The following MTUS2 variants were observed in gnomAD, a reference collection of about 807,000 sequenced individuals.
MTUS2 encodes microtubule associated scaffold protein 2, also known as microtubule-associated tumor suppressor candidate 2.
MTUS2 carries 40 observed loss-of-function variants against 114.1 expected under a neutral mutation model. The observed-to-expected ratio is 0.35, with a 90% confidence interval of 0.27 to 0.46. MTUS2 has a LOEUF of 0.46. Among genes scored for constraint, MTUS2 ranks in the 20% least tolerant of loss-of-function variants. The probability of loss-of-function intolerance (pLI) is 1.00; values close to 1 mark genes in which losing one functional copy is unlikely to be tolerated. For synonymous variants in MTUS2, 688 were observed against 672.0 expected (o/e 1.02, Z -0.37); for missense variants, 1,679 against 1,705.4 (o/e 0.98, Z 0.27).
At chr13:29,218,463 T>C (rs1179878429) in intron 5 of MTUS2, among the ~76,000 whole-genome samples, 1 of 152,234 alleles carries the variant, frequency 6.6e-6, no homozygotes, top group Non-Finnish European at 1.5e-5. Flanking sequence ...GAATTAGAAA[T>C]GTTCTTAATG....
intron 5 of MTUS2, among the ~76,000 whole-genome samples, chr13:29,190,083 G>A (rs972184512): frequency 2.0e-5 from 3 of 152,148 alleles, no homozygotes; most frequent in South Asian, 2.1e-4. Flanking sequence ...AAGTCTGCCA[G>A]CACCTTGATC....
chr13:29,180,430 T>C (rs754403161), intron 5 of MTUS2, among the ~76,000 whole-genome samples: 1 of 152,200 alleles, frequency 6.6e-6, no homozygotes, highest in African/African-American at 2.4e-5. Context: ...TAGAAGCAAA[T>C]TAAAAGCAAA....
intron 5 of MTUS2, among the ~76,000 whole-genome samples, chr13:29,268,246 GT>G (rs1215352753): frequency 6.6e-6 from 1 of 152,170 alleles, no homozygotes; most frequent in African/African-American, 2.4e-5. Flanking sequence ...CTCTTTGAAA[GT>G]TTTTGTGAAA....
At chr13:29,042,734 A>G (rs1429531171) in intron 4 of MTUS2, among the ~76,000 whole-genome samples, 3 of 151,900 alleles carry the variant, frequency 2.0e-5, no homozygotes, top group Non-Finnish European at 2.9e-5. Context: ...TCTCCTCTAG[A>G]TTTTCTACTA....
rs369916182 is a variant in MTUS2, at chr13:29,359,288, G to C, written c.2932G>C (p.Ala978Pro). 1.5e-4 allele frequency: 239 copies of C among 1,604,680 alleles called. No individual in the cohort carries two copies. The highest frequency in any genetic ancestry group is 1.6e-4 in the Middle Eastern group (1 of 6,074). Residue 978 changes from alanine to proline, a missense_variant, in exon 8 of 16, where the codon GCT (alanine) becomes CCT (proline). Physicochemically the swap from Ala to Pro is conservative, Grantham distance 27 (BLOSUM62 -1). Coordinates refer to ENST00000612955, the MANE Select transcript of MTUS2 (RefSeq NM_001033602.4). ...PGYPKQRTAA[A>P]RNGFPPKPDP... Reference sequence around the variant, plus strand: ...ATACCCAAAGCAGAGGACTGCGGCAGCTCGAAATGGGTTTCCGCCCAAGCC... The same window carrying C: ...ATACCCAAAGCAGAGGACTGCGGCACCTCGAAATGGGTTTCCGCCCAAGCC...
At chr13:29,425,274 G>A (rs1167623548) in intron 8 of MTUS2, among the ~76,000 whole-genome samples, 1 of 152,092 alleles carries the variant, frequency 6.6e-6, no homozygotes. Context: ...TTACCTGGGC[G>A]TGATGGCACG....
intron 8 of MTUS2, among the ~76,000 whole-genome samples, chr13:29,389,320 C>CATGTGTGT (rs1872893863): frequency 3.0e-5 from 2 of 65,966 alleles, no homozygotes; most frequent in South Asian, 6.7e-4. Context: ...TATGTATACA[C>CATGTGTGT]ATATGTGTGT....
At chr13:28,955,224 G>A (rs909917304) in intron 2 of MTUS2, among the ~76,000 whole-genome samples, 5 of 152,188 alleles carry the variant, frequency 3.3e-5, no homozygotes, top group East Asian at 1.9e-4. Flanking sequence ...GACATTGCAC[G>A]ATTTCTGTGA....
chr13:29,470,299 A>G (rs901546635), intron 9 of MTUS2, among the ~76,000 whole-genome samples: 2 of 152,152 alleles, frequency 1.3e-5, no homozygotes, highest in African/African-American at 4.8e-5. Context: ...GCAGTCTTGA[A>G]TTTTATATTT....
chr13:28,942,358 TATAACTC>T (rs1882286479), intron 2 of MTUS2, among the ~76,000 whole-genome samples: 1 of 152,206 alleles, frequency 6.6e-6, no homozygotes, highest in Admixed American at 6.5e-5. Context: ...TGGAGAATAT[TATAACTC>T]ATACTCTATT....
At chr13:28,932,285 T>A (rs1290101450) in intron 2 of MTUS2, among the ~76,000 whole-genome samples, 1 of 152,188 alleles carries the variant, frequency 6.6e-6, no homozygotes, top group Non-Finnish European at 1.5e-5. Context: ...GTTTGCTGAA[T>A]GGTGGGAAAT....
intron 6 of MTUS2, among the ~76,000 whole-genome samples, chr13:29,322,786 C>T (rs971947030): frequency 6.6e-6 from 1 of 152,078 alleles, no homozygotes; most frequent in Admixed American, 6.5e-5. Flanking sequence ...CAGGAGGAAG[C>T]ATGGCATGTT....
intron 5 of MTUS2, among the ~76,000 whole-genome samples, chr13:29,202,617 C>T (rs1235104629): frequency 3.3e-5 from 5 of 152,196 alleles, no homozygotes; most frequent in South Asian, 4.2e-4. Flanking sequence ...AGCCTTTTTG[C>T]GCTGGTTTTT....
chr13:29,452,570 ATATATGTGTGTGTG>A (rs1312202110), intron 9 of MTUS2, among the ~76,000 whole-genome samples: 1,960 of 131,210 alleles, frequency 0.015, 14 homozygotes, highest in Middle Eastern at 0.022. Flanking sequence ...ATATATATAT[ATATATGTGTGTGTG>A]TGTGTGTGTG....
intron 5 of MTUS2, among the ~76,000 whole-genome samples, chr13:29,128,119 T>A (rs1414354675): frequency 1.9e-4 from 29 of 152,112 alleles, no homozygotes; most frequent in Admixed American, 1.9e-3. Context: ...AAGGATCAGT[T>A]GAGTTTGCAG....
chr13:28,842,804 G>A (rs1875601661), intron 2 of MTUS2, among the ~76,000 whole-genome samples: 1 of 152,178 alleles, frequency 6.6e-6, no homozygotes, highest in Admixed American at 6.5e-5. Flanking sequence ...TGCTTAATGG[G>A]ATGGAATGAC....
At chr13:28,945,190 T>TATATATATATACATATACATACATAC (rs1566242156) in intron 2 of MTUS2, among the ~76,000 whole-genome samples, 4 of 149,062 alleles carry the variant, frequency 2.7e-5, no homozygotes, top group African/African-American at 1.0e-4. Flanking sequence ...TATATATATA[T>TATATATATATACATATACATACATAC]ATATACACCA....
chr13:29,337,819 C>T (rs559796898), intron 7 of MTUS2, among the ~76,000 whole-genome samples: 5 of 146,446 alleles, frequency 3.4e-5, no homozygotes, highest in African/African-American at 7.8e-5. Context: ...GACAGAGTCT[C>T]GCTCTGTTGC....
chr13:28,928,181 A>G (rs537389407), intron 2 of MTUS2, among the ~76,000 whole-genome samples: 1 of 152,298 alleles, frequency 6.6e-6, no homozygotes, highest in South Asian at 2.1e-4. Flanking sequence ...ATAGCAGGAC[A>G]TTGACATGGG....
Sources: allele counts gnomAD v4.1 joint callset (sites outside exome capture counted in the v4.1 genomes callset), GRCh38; gene constraint gnomAD v4.1.1; transcripts MANE v1.5; gene names NCBI Gene and HGNC (gene_info 2026-07-23, HGNC 2026-07-21).